LDB1: variants seen among roughly 807,000 people sequenced by gnomAD.
LDB1 encodes LIM domain-binding protein 1.
Under a neutral mutation model 49.7 loss-of-function variants are expected in LDB1, and 6 were observed. That is an observed-to-expected ratio of 0.12 (90% CI 0.07 to 0.24). The LOEUF is 0.24. LDB1 is among the 10% of genes least tolerant of loss of function. The pLI is 1.00. For missense variants in LDB1, 341 were observed against 561.7 expected (o/e 0.61, Z 3.97); for synonymous variants, 233 against 202.0 (o/e 1.15, Z -1.30).
At chr10:102,120,424 C>A (rs570015982), upstream of LDB1, 1,092 of 981,310 alleles carry the variant, frequency 1.1e-3, 3 homozygotes, top group Non-Finnish European at 1.3e-3. Context: ...CTCCCGCCGC[C>A]GTCGCCGAGC....
Position 102,109,835 on chromosome 10 carries a change from G to C in LDB1, c.648+86C>G. 6.3e-7 allele frequency: 1 copy of C among 1,574,966 alleles called. No individual in the cohort carries two copies. The highest frequency in any genetic ancestry group is 8.7e-7 in the Non-Finnish European group (1 of 1,155,494). On this transcript the variant is annotated intron_variant, in intron 7 of 10. Transcript: ENST00000673968. This position sits in a 1 kb window ranked among gnomAD's most constrained non-coding sequence, Gnocchi z 5.8. ...GAAGAAACCCTAACCCTCTGTCTAA[G>C]TAGTCAGTCGGGAAATGGCAGACCT...
chr10:102,119,700 AG>A (rs1298906630), intron 1 of LDB1, among the ~76,000 whole-genome samples: 1 of 139,052 alleles, frequency 7.2e-6, no homozygotes, highest in Non-Finnish European at 1.6e-5. Context: ...GCAGCAGGGA[AG>A]GGGGGGCAGC....
At chr10:102,108,864 C>T (rs2068208570) in intron 10 of LDB1, 165 bp downstream of exon 10, 2 of 876,264 alleles carry the variant, frequency 2.3e-6, no homozygotes, top group African/African-American at 1.7e-5. Context: ...CATGCAAGTG[C>T]CTGACAAGAA....
downstream of LDB1, among the ~76,000 whole-genome samples, chr10:102,102,224 C>T (rs1041597625): frequency 1.3e-5 from 2 of 152,196 alleles, no homozygotes; most frequent in African/African-American, 2.4e-5. Flanking sequence ...CGCACCTGGC[C>T]CCATATGATA....
intron 1 of LDB1, chr10:102,114,949 T>A (rs1275035196): frequency 2.3e-5 from 13 of 565,870 alleles, no homozygotes; most frequent in Non-Finnish European, 2.7e-5. Context: ...TTTCTCCCTT[T>A]CTCTCCCTGC....
At chr10:102,119,654 T>C (rs1564918111) in intron 1 of LDB1, among the ~76,000 whole-genome samples, 1 of 143,240 alleles carries the variant, frequency 7.0e-6, no homozygotes, top group Non-Finnish European at 1.5e-5. Flanking sequence ...AGAAACAGCA[T>C]GGGGGGGATG....
downstream of LDB1, among the ~76,000 whole-genome samples, chr10:102,103,033 A>AAT (rs1386217679): frequency 3.3e-5 from 5 of 152,092 alleles, no homozygotes; most frequent in African/African-American, 1.2e-4. Context: ...CTGCTGACTC[A>AAT]ATATATATAT....
rs765994038 is a variant in LDB1 at position 102,109,483 on chromosome 10, G to C, written c.757C>G (p.Gln253Glu). 2 of 1,614,158 alleles carry C rather than the reference G, an allele frequency of 1.2e-6. No individual in the cohort carries two copies. Among genetic ancestry groups the C allele is most frequent in the Non-Finnish European group, 1.7e-6 (2 of 1,180,014 alleles). ...LRLCVILEPM[Q>E]ELMSRHKTYS... ...GTCTTGTGGCGTGACATGAGCTCTT[G>C]CATGGGCTCGAGTATCACACAGAGC... Residue 253 changes from glutamine to glutamate, a missense_variant, in exon 9 of 11, where the codon CAA becomes GAA. Coordinates refer to ENST00000673968, the MANE Select transcript of LDB1 (RefSeq NM_001113407.3). The surrounding 1 kb of genome is among the most constrained non-coding windows in gnomAD (Gnocchi z 5.8).
Position 102,108,102 on chromosome 10 carries a change from G to A in LDB1, c.1227C>T (p.Ala409=), listed in dbSNP as rs2068193772. 1.2e-6 allele frequency: 2 copies of A among 1,613,614 alleles called. No homozygotes were observed. Among genetic ancestry groups the A allele is most frequent in the Admixed American group, 1.7e-5 (1 of 60,010 alleles). The change falls in exon 11 of 11, where the codon GCC becomes GCT. Residue 409 remains alanine, a synonymous_variant. Coordinates refer to ENST00000673968, the MANE Select transcript of LDB1 (RefSeq NM_001113407.3). The stretch of plus-strand genomic sequence containing the variant: ...GCCACAGCAGGGCCTTTTACTGGGA[G>A]GCCTGTGACGTGGGGTTCTCCGATT... ...ESKSENPTSQ[A]SQ
chr10:102,102,553 T>C (rs2068129015), downstream of LDB1, among the ~76,000 whole-genome samples: 1 of 152,136 alleles, frequency 6.6e-6, no homozygotes, highest in African/African-American at 2.4e-5. Flanking sequence ...GGTCCTGAAA[T>C]CAGTGGGAAA....
rs1218644484 is a variant in LDB1 at position 102,120,347 on chromosome 10, GGTGTGAGTCCGCGGA to G, written c.-252_-238del. On this transcript the variant is annotated 5_prime_UTR_variant, in exon 1 of 11. Coordinates refer to ENST00000673968, the MANE Select transcript of LDB1 (RefSeq NM_001113407.3). ...AGCGGCCTCTGCGTGTGTGCGCGCG[GGTGTGAGTCCGCGGA>G]GTGTGTGTCCGTGTGTGCGTGTGTG... 5 of 984,254 alleles carry G rather than the reference GGTGTGAGTCCGCGGA, an allele frequency of 5.1e-6. No homozygotes were observed. The highest frequency in any genetic ancestry group is 6.0e-6 in the Non-Finnish European group (5 of 829,532). The allele number at this position is 984,254 out of a possible 1,614,324, so 61.0% of individuals were successfully genotyped here.
intron 1 of LDB1, among the ~76,000 whole-genome samples, chr10:102,119,492 G>A (rs536802160): frequency 6.6e-6 from 1 of 152,072 alleles, no homozygotes; most frequent in South Asian, 2.1e-4. Flanking sequence ...CTAGGGCGGA[G>A]ATGCCAGACC....
chr10:102,118,904 C>G (rs1040014663), intron 1 of LDB1, among the ~76,000 whole-genome samples: 17 of 152,188 alleles, frequency 1.1e-4, no homozygotes, highest in Admixed American at 2.0e-4. Context: ...GGTTCCCATA[C>G]TCGGATATTC....
chr10:102,115,069 A>G (rs1458323886), intron 1 of LDB1: 1 of 153,416 alleles, frequency 6.5e-6, no homozygotes, highest in Non-Finnish European at 1.4e-5. Flanking sequence ...GAGAGGAAAG[A>G]GGAAGAGCAA....
intron 1 of LDB1, among the ~76,000 whole-genome samples, chr10:102,118,436 C>T (rs935544628): frequency 1.3e-5 from 2 of 152,204 alleles, no homozygotes; most frequent in Non-Finnish European, 2.9e-5. Flanking sequence ...CCACAAACCC[C>T]TGGGCTTGGG....
downstream of LDB1, among the ~76,000 whole-genome samples, chr10:102,105,110 TAC>T (rs3977761): frequency 8.6e-4 from 131 of 152,250 alleles, no homozygotes; most frequent in African/African-American, 2.7e-3. Flanking sequence ...AGCACATACA[TAC>T]ACACACACTC....
At position 102,111,471 on chromosome 10, in the gene LDB1, G is replaced by A; in HGVS notation, c.91C>T (p.Pro31Ser). Reference protein sequence around the residue: ...KEPPNGNAFPPFHPGTMLDRD... With the variant: ...KEPPNGNAFPSFHPGTMLDRD... ...TCCAGCATGGTGCCGGGATGGAAGG[G>A]GGGAAAGGCGTTGCCGTTCGGGGGC... Residue 31 changes from proline to serine, a missense_variant, in exon 2 of 11, where the codon CCC becomes TCC. Physicochemically the swap from Pro to Ser is moderately conservative, Grantham distance 74. Transcript: ENST00000673968. The A allele has an allele frequency of 1.9e-6, 3 of 1,565,672 alleles. No individual in the cohort carries two copies. The South Asian group carries it at 3.6e-5, about 19-fold the overall frequency.
rs2068191182 is a variant in LDB1 at position 102,107,989 on chromosome 10, C to A, written c.*104G>T. 1.1e-6 allele frequency: 1 copy of A among 926,268 alleles called. No individual in the cohort carries two copies. Among genetic ancestry groups the A allele is most frequent in the Non-Finnish European group, 1.7e-6 (1 of 586,228 alleles). 57.4% of individuals were successfully genotyped at this position (926,268 alleles called of 1,614,324 possible). A position where few individuals can be genotyped will look rare whatever the true frequency, so the allele number is the denominator to read the frequency against. On this transcript the variant is annotated 3_prime_UTR_variant, in exon 11 of 11. Transcript: ENST00000673968. ...CCTCCCTGAAGCGGGTGGATGGAGG[C>A]TGCCCATTTTAGATGCTCAGTCTCT...
At chr10:102,105,774 C>G (rs1344052205), downstream of LDB1, among the ~76,000 whole-genome samples, 4 of 147,998 alleles carry the variant, frequency 2.7e-5, no homozygotes, top group African/African-American at 1.0e-4. Context: ...CCAGCCTGGC[C>G]AACATGGTGA....
Sources: allele counts gnomAD v4.1 joint callset (sites outside exome capture counted in the v4.1 genomes callset), GRCh38; gene constraint gnomAD v4.1.1; non-coding constraint Gnocchi (gnomAD v3.1); transcripts MANE v1.5; gene names NCBI Gene and HGNC (gene_info 2026-07-23, HGNC 2026-07-21).